PBX1: variants seen among roughly 807,000 people sequenced by gnomAD.
PBX1 encodes pre-B-cell leukemia transcription factor 1.
PBX1 carries 6 observed loss-of-function variants against 53.4 expected under a neutral mutation model. The ratio of observed to expected loss-of-function variants is 0.11; its 90% CI spans 0.06 to 0.22. The LOEUF (loss-of-function observed/expected upper bound fraction) is 0.22, where lower values mean the gene tolerates loss of function less well. Among genes scored for constraint, PBX1 ranks in the 10% least tolerant of loss-of-function variants. The pLI is 1.00. For missense variants in PBX1, 251 were observed against 551.4 expected, an observed-to-expected ratio of 0.46 and a Z score of 5.46; for synonymous variants, 204 against 212.3, an observed-to-expected ratio of 0.96 and a Z score of 0.34.
chr1:164,777,503 A>G (rs996618259), intron 2 of PBX1, among the ~76,000 whole-genome samples: 1 of 152,206 alleles, frequency 6.6e-6, no homozygotes, highest in African/African-American at 2.4e-5. Context: ...CTCTGACCAT[A>G]AAGCTAAACT....
chr1:164,723,266 A>G (rs1273375493), intron 2 of PBX1, among the ~76,000 whole-genome samples: 1 of 152,166 alleles, frequency 6.6e-6, no homozygotes, highest in East Asian at 1.9e-4. Flanking sequence ...TTAAACCAAG[A>G]AGCCAAAGAG....
intron 2 of PBX1, among the ~76,000 whole-genome samples, chr1:164,589,357 G>C (rs1017071595): frequency 2.0e-5 from 3 of 152,114 alleles, no homozygotes; most frequent in African/African-American, 7.2e-5. Context: ...AGTAAGGAGA[G>C]GGGGCGGGGA....
chr1:164,615,298 T>C (rs1444888913), intron 2 of PBX1, among the ~76,000 whole-genome samples: 1 of 152,332 alleles, frequency 6.6e-6, no homozygotes, highest in East Asian at 1.9e-4. Context: ...TATTTCCATT[T>C]CTACTTGTTG....
At chr1:164,801,334 TG>T (rs1266462931) in intron 4 of PBX1, among the ~76,000 whole-genome samples, 2 of 152,028 alleles carry the variant, frequency 1.3e-5, no homozygotes, top group Non-Finnish European at 2.9e-5. Flanking sequence ...AAGTGACTGG[TG>T]GCCTCTGTTT....
intron 2 of PBX1, among the ~76,000 whole-genome samples, chr1:164,749,033 T>C (rs1351152657): frequency 6.6e-6 from 1 of 151,984 alleles, no homozygotes; most frequent in Admixed American, 6.6e-5. Flanking sequence ...CTACCAAGAA[T>C]AGGAAAAAAA....
At chr1:164,792,770 G>T (rs1315277822) in intron 3 of PBX1, 32 bp downstream of exon 3, 4 of 1,517,048 alleles carry the variant, frequency 2.6e-6, no homozygotes, top group Non-Finnish European at 2.7e-6. Flanking sequence ...TCGGCACCCA[G>T]GCCCTTTAGG....
chr1:164,743,384 C>G (rs1376055553), intron 2 of PBX1, among the ~76,000 whole-genome samples: 1 of 152,074 alleles, frequency 6.6e-6, no homozygotes, highest in Admixed American at 6.6e-5. Context: ...ATATAATACT[C>G]CTAGCCCTTG....
intron 2 of PBX1, among the ~76,000 whole-genome samples, chr1:164,653,356 T>A (rs955151231): frequency 1.3e-5 from 2 of 152,110 alleles, no homozygotes; most frequent in African/African-American, 4.8e-5. Context: ...TTGTTTTTTT[T>A]TTTTAAATCT....
intron 2 of PBX1, chr1:164,590,274 G>A: frequency 2.2e-6 from 1 of 449,714 alleles, no homozygotes; most frequent in South Asian, 1.6e-5. Context: ...AGCGCAACTG[G>A]AAAGGGAGGA....
chr1:164,617,993 C>A (rs1359137203), intron 2 of PBX1, among the ~76,000 whole-genome samples: 1 of 152,142 alleles, frequency 6.6e-6, no homozygotes, highest in Non-Finnish European at 1.5e-5. Context: ...GAACCCAGAT[C>A]TCTGGCCCAT....
chr1:164,679,785 G>T (rs1353732896), intron 2 of PBX1, among the ~76,000 whole-genome samples: 2 of 152,142 alleles, frequency 1.3e-5, no homozygotes, highest in African/African-American at 2.4e-5. Context: ...TAATGTTTGT[G>T]TTCTCATTTG....
chr1:164,621,619 C>A (rs1657683108), intron 2 of PBX1, among the ~76,000 whole-genome samples: 1 of 152,080 alleles, frequency 6.6e-6, no homozygotes, highest in Non-Finnish European at 1.5e-5. Flanking sequence ...AAACAAGAGG[C>A]CATCCCTCTT....
At chr1:164,741,097 T>C (rs1665577942) in intron 2 of PBX1, among the ~76,000 whole-genome samples, 1 of 152,230 alleles carries the variant, frequency 6.6e-6, no homozygotes, top group Non-Finnish European at 1.5e-5. Context: ...ATTAATCGTT[T>C]TGCCTATCCT....
chr1:164,598,353 C>G (rs1655909666), intron 2 of PBX1, among the ~76,000 whole-genome samples: 1 of 151,990 alleles, frequency 6.6e-6, no homozygotes, highest in South Asian at 2.1e-4. Context: ...TGGTAGAGAC[C>G]AGAGCTGGAA....
chr1:164,736,307 G>C (rs969963655), intron 2 of PBX1, among the ~76,000 whole-genome samples: 4 of 152,120 alleles, frequency 2.6e-5, no homozygotes, highest in African/African-American at 9.7e-5. Flanking sequence ...TGTGTCCGCT[G>C]GCCCTGGAAT....
chr1:164,665,655 C>T (rs1402531584), intron 2 of PBX1, among the ~76,000 whole-genome samples: 5 of 152,208 alleles, frequency 3.3e-5, no homozygotes, highest in Admixed American at 3.3e-4. Context: ...GCCTGGCAGC[C>T]TGTGTTTGTA....
intron 2 of PBX1, among the ~76,000 whole-genome samples, chr1:164,619,863 T>C (rs1350297009): frequency 6.6e-6 from 1 of 152,118 alleles, no homozygotes; most frequent in Non-Finnish European, 1.5e-5. Flanking sequence ...GGAAAAATAA[T>C]GAGTTTGCCT....
chr1:164,632,455 A>T (rs929453008), intron 2 of PBX1, among the ~76,000 whole-genome samples: 3 of 152,200 alleles, frequency 2.0e-5, no homozygotes, highest in African/African-American at 7.2e-5. Context: ...ACCTGTCCTT[A>T]GGTTCACAGC....
chr1:164,610,831 TGG>T, intron 2 of PBX1, among the ~76,000 whole-genome samples: 1 of 152,348 alleles, frequency 6.6e-6, no homozygotes, highest in South Asian at 2.1e-4. Context: ...AAATCTGAGC[TGG>T]GAGATGGGGA....
Sources: gnomAD v4.1 joint callset for allele counts (sites outside exome capture counted in the v4.1 genomes callset) on GRCh38, gnomAD v4.1.1 for gene constraint, MANE v1.5 for transcripts, NCBI Gene and HGNC (gene_info 2026-07-23, HGNC 2026-07-21) for gene names.